Variants in DCAKD observed in about 807,000 individuals in gnomAD.
DCAKD encodes the protein dephospho-CoA kinase domain-containing protein.
DCAKD carries 15 observed loss-of-function variants against 18.7 expected under a neutral mutation model. The ratio of observed to expected loss-of-function variants is 0.80; its 90% CI spans 0.54 to 1.24. The LOEUF is 1.24. Ranked by LOEUF, DCAKD falls within the 50% of genes most tolerant of loss-of-function variation. The probability of loss-of-function intolerance (pLI) is 0.00; values close to 1 mark genes in which losing one functional copy is unlikely to be tolerated. For synonymous variants in DCAKD, 130 were observed against 133.0 expected (o/e 0.98, Z 0.16); for missense variants, 301 against 322.0 (o/e 0.93, Z 0.50).
chr17:45,057,686 G>C (rs1216074682), intron 1 of DCAKD, among the ~76,000 whole-genome samples: 1 of 146,650 alleles, frequency 6.8e-6, no homozygotes, highest in African/African-American at 2.5e-5. Flanking sequence ...CTGGGCAACA[G>C]AGTGCGACTC....
At position 45,031,527 on chromosome 17, in the gene DCAKD, G is replaced by A. The variant is rs142795473; in HGVS notation, c.317-1348C>T. ...AGTACTACTCCTTCACCAGTCCCTC[G>A]CTAGGTGCCCCAAAATGATAGTTAC... On this transcript the variant is annotated intron_variant, in intron 3 of 4. Transcript: ENST00000651974. The A allele has an allele frequency of 2.7e-3, 2,689 of 984,720 alleles. 5 individuals are homozygous for A. Among genetic ancestry groups the A allele is most frequent in the Non-Finnish European group, 3.1e-3 (2,591 of 829,372 alleles). The allele number at this position is 984,720 out of a possible 1,614,324, so 61.0% of individuals were successfully genotyped here. A position where few individuals can be genotyped will look rare whatever the true frequency, so the allele number is the denominator to read the frequency against.
chr17:45,030,622 C>T (rs763810845), intron 3 of DCAKD, among the ~76,000 whole-genome samples: 2 of 152,198 alleles, frequency 1.3e-5, no homozygotes. Flanking sequence ...GTTGTTATTT[C>T]TCAGAAACAA....
upstream of DCAKD, among the ~76,000 whole-genome samples, chr17:45,054,676 A>G (rs1454526044): frequency 6.6e-6 from 1 of 152,184 alleles, no homozygotes; most frequent in Non-Finnish European, 1.5e-5. Context: ...GCCAGATTTA[A>G]TGGCTCAATT....
chr17:45,038,963 G>A (rs974095496), intron 1 of DCAKD, among the ~76,000 whole-genome samples: 6 of 152,198 alleles, frequency 3.9e-5, no homozygotes, highest in Non-Finnish European at 8.8e-5. Context: ...GTAACCAGAG[G>A]AAAACACAAG....
Position 45,050,002 on chromosome 17 carries a change from C to T in DCAKD, c.-115+1359G>A, listed in dbSNP as rs145618707. Among the ~76,000 whole-genome samples, 456 of 150,430 alleles carry T rather than the reference C, an allele frequency of 3.0e-3. 4 individuals carry two copies. The highest frequency in any genetic ancestry group is 0.01 in the African/African-American group (415 of 40,700). On this transcript the variant is annotated intron_variant, in intron 1 of 4. Transcript: ENST00000651974. ...CTCCCAAAATACTGGGATTACCAGG[C>T]GTGAGCCACCGCGCTCGGCCTCCCA...
intron 3 of DCAKD, chr17:45,031,748 T>C: frequency 2.0e-6 from 2 of 985,466 alleles, no homozygotes; most frequent in Non-Finnish European, 2.4e-6. Context: ...GCTATTCAGC[T>C]GTCACATCCC....
At chr17:45,050,058 T>C (rs1276785295) in intron 1 of DCAKD, among the ~76,000 whole-genome samples, 7 of 61,124 alleles carry the variant, frequency 1.1e-4, no homozygotes, top group East Asian at 3.6e-4. Flanking sequence ...TTCTTTCTTT[T>C]GAGAAGGAGT....
rs758715593 is a variant in DCAKD at position 45,030,177 on chromosome 17, A to G, written c.319T>C (p.Tyr107His). 2.1e-5 allele frequency: 34 copies of G among 1,613,934 alleles called. No homozygotes were observed. Among genetic ancestry groups the G allele is most frequent in the Non-Finnish European group, 1.7e-6 (2 of 1,179,924 alleles). Residue 107 changes from tyrosine to histidine, a missense_variant and splice_region_variant, in exon 4 of 5, where the codon TAC becomes CAC. Coordinates refer to ENST00000651974, the MANE Select transcript of DCAKD (RefSeq NM_001288655.2). ...GGGATATCCAGAATCACGTAGCGGTATCCTGGGGAGAGGTTGGAAATCCCC... is the reference window on the plus strand; with the variant it reads ...GGGATATCCAGAATCACGTAGCGGTGTCCTGGGGAGAGGTTGGAAATCCCC... ...KETFKYFLRGYRYVILDIPLL... is the reference protein window; with the variant it reads ...KETFKYFLRGHRYVILDIPLL...
intron 1 of DCAKD, among the ~76,000 whole-genome samples, chr17:45,041,916 A>G (rs1396433034): frequency 6.6e-6 from 1 of 151,588 alleles, no homozygotes; most frequent in Non-Finnish European, 1.5e-5. Flanking sequence ...CCCAGGAGTT[A>G]GAGGCCAGCC....
At position 45,034,189 on chromosome 17, in the gene DCAKD, C is replaced by T. The variant is rs770890283; in HGVS notation, c.314G>A (p.Arg105Gln). Residue 105 changes from arginine (R) to glutamine (Q), a missense_variant and splice_region_variant, in exon 3 of 5, where the codon CGG becomes CAG. By Grantham distance (43) the Arg-to-Gln change is conservative (BLOSUM62 1). Transcript: ENST00000651974. ...CCGCCCCAGGCCCTGGCACTTACCC[C>T]GGAGGAAGTACTTGAACGTCTCCTT... Reference protein sequence around the residue: ...MMKETFKYFLRGYRYVILDIP... With the variant: ...MMKETFKYFLQGYRYVILDIP... 60 of 1,613,734 alleles carry T rather than the reference C, an allele frequency of 3.7e-5. No homozygotes were observed. The highest frequency in any genetic ancestry group is 5.0e-5 in the Admixed American group (3 of 60,000).
intron 1 of DCAKD, among the ~76,000 whole-genome samples, chr17:45,041,316 CTT>C (rs1156656073): frequency 4.8e-5 from 7 of 145,320 alleles, no homozygotes; most frequent in Admixed American, 1.4e-4. Flanking sequence ...CATGCGGGCT[CTT>C]TTTTTTTTTT....
intron 4 of DCAKD, among the ~76,000 whole-genome samples, chr17:45,027,166 C>T (rs1417222554): frequency 6.6e-6 from 1 of 152,058 alleles, no homozygotes; most frequent in Non-Finnish European, 1.5e-5. Flanking sequence ...CACAGCAAGA[C>T]CCAATCTCTA....
chr17:45,024,489 C>G lies in DCAKD; in HGVS notation c.640G>C (p.Ala214Pro). 6.2e-7 allele frequency: 1 copy of G among 1,613,338 alleles called. No individual in the cohort carries two copies. The highest frequency in any genetic ancestry group is 8.5e-7 in the Non-Finnish European group (1 of 1,179,368). The part of the protein sequence containing the change: ...PLRFGVLTGL[A>P]AIASLLYLLT... ...AGGTAGAGGAGGCTGGCAATGGCAGCGAGCCCTGTGAGGACCCCAAACCTC... is the reference window on the plus strand; with the variant it reads ...AGGTAGAGGAGGCTGGCAATGGCAGGGAGCCCTGTGAGGACCCCAAACCTC... Residue 214 changes from alanine (A) to proline (P), a missense_variant, in exon 5 of 5, where the codon GCT becomes CCT. Transcript: ENST00000651974.
intron 1 of DCAKD, among the ~76,000 whole-genome samples, chr17:45,059,937 C>G (rs1330717629): frequency 6.6e-6 from 1 of 151,796 alleles, no homozygotes; most frequent in African/African-American, 2.4e-5. Context: ...AACCCCGTCT[C>G]TACTAAAAAT....
chr17:45,049,713 C>CTTTTTTTTTTTTTTTT (rs57106886), intron 1 of DCAKD, among the ~76,000 whole-genome samples: 4 of 111,868 alleles, frequency 3.6e-5, no homozygotes, highest in South Asian at 3.0e-4. Context: ...TTTTCTTTTC[C>CTTTTTTTTTTTTTTTT]TTTTTTTTTT....
In DCAKD at chr17:45,029,335, C is replaced by T. The variant is rs560613239; in HGVS notation, c.404+757G>A. On this transcript the variant is annotated intron_variant, in intron 4 of 4. Coordinates refer to ENST00000651974, the MANE Select transcript of DCAKD (RefSeq NM_001288655.2). ...GCTCCGCCTCCAGCGTGCTGGGAGC[C>T]TCCAATGCCTTAGGCCCTTGAGGGC... is the stretch of plus-strand genomic sequence containing the variant. Among the ~76,000 whole-genome samples the T allele has an allele frequency of 1.2e-4, 19 of 152,364 alleles. No individual in the cohort carries two copies. In the South Asian group the frequency reaches 3.7e-3, roughly 30 times the overall value.
intron 1 of DCAKD, among the ~76,000 whole-genome samples, chr17:45,035,998 G>A (rs913052532): frequency 1.7e-4 from 26 of 152,196 alleles, no homozygotes; most frequent in South Asian, 2.1e-4. Flanking sequence ...TGCCAAGAAG[G>A]AATGTGAGGG....
At chr17:45,049,923 T>C (rs2053654890) in intron 1 of DCAKD, among the ~76,000 whole-genome samples, 1 of 151,996 alleles carries the variant, frequency 6.6e-6, no homozygotes, top group South Asian at 2.1e-4. Context: ...AGTTTCACCA[T>C]GTTGGCCAGG....
chr17:45,028,725 A>C (rs1347734430), intron 4 of DCAKD, among the ~76,000 whole-genome samples: 2 of 142,258 alleles, frequency 1.4e-5, no homozygotes, highest in Non-Finnish European at 3.1e-5. Flanking sequence ...TTTGAGATGG[A>C]GTTTTGCTCA....
Sources: gnomAD v4.1 joint callset for allele counts (sites outside exome capture counted in the v4.1 genomes callset) on GRCh38, gnomAD v4.1.1 for gene constraint, MANE v1.5 for transcripts, NCBI Gene and HGNC (gene_info 2026-07-23, HGNC 2026-07-21) for gene names.